Variants in FOXP2 observed in about 807,000 individuals in gnomAD.
The protein encoded by FOXP2 is forkhead box P2.
A neutral mutation model predicts 115.8 loss-of-function variants in FOXP2; 12 were observed. The ratio of observed to expected loss-of-function variants is 0.10; its 90% CI spans 0.07 to 0.17. The LOEUF (loss-of-function observed/expected upper bound fraction) is 0.17, where lower values mean the gene tolerates loss of function less well. Ranked by LOEUF, FOXP2 falls within the 10% of genes least tolerant of loss-of-function variation. FOXP2 has a pLI of 1.00. For synonymous variants in FOXP2, 328 were observed against 297.7 expected (o/e 1.10, Z -1.05); for missense variants, 629 against 843.5 (o/e 0.75, Z 3.15).
chr7:114,510,172 A>C (rs2129260863), intron 2 of FOXP2, among the ~76,000 whole-genome samples: 1 of 152,294 alleles, frequency 6.6e-6, no homozygotes, highest in Non-Finnish European at 1.5e-5. Flanking sequence ...TCACATTTAA[A>C]GTAAGTGTAC....
chr7:114,105,869 C>T (rs561623812), intron 1 of FOXP2, among the ~76,000 whole-genome samples: 3 of 152,024 alleles, frequency 2.0e-5, no homozygotes, highest in Non-Finnish European at 4.4e-5. Flanking sequence ...GTAAGTGAGT[C>T]GTCTGCCTCT....
chr7:114,491,839 C>G (rs1200173037), intron 2 of FOXP2, among the ~76,000 whole-genome samples: 1 of 152,028 alleles, frequency 6.6e-6, no homozygotes, highest in Non-Finnish European at 1.5e-5. Flanking sequence ...ATTTTTGCAT[C>G]GATGTTCATC....
chr7:114,261,588 G>A (rs1795754247), intron 1 of FOXP2, among the ~76,000 whole-genome samples: 1 of 152,100 alleles, frequency 6.6e-6, no homozygotes, highest in Admixed American at 6.6e-5. Context: ...ACAGTGTGAT[G>A]TAAAACAAAT....
chr7:114,500,779 A>AT (rs1157688092), intron 2 of FOXP2, among the ~76,000 whole-genome samples: 2 of 152,114 alleles, frequency 1.3e-5, no homozygotes, highest in African/African-American at 4.8e-5. Flanking sequence ...ACAAACAAGC[A>AT]TTTTTTCACA....
At chr7:114,470,312 CA>C (rs1037950519) in intron 2 of FOXP2, among the ~76,000 whole-genome samples, 19 of 152,190 alleles carry the variant, frequency 1.2e-4, no homozygotes, top group African/African-American at 4.6e-4. Context: ...CAAATGCTCA[CA>C]AACACATACC....
intron 1 of FOXP2, among the ~76,000 whole-genome samples, chr7:114,180,047 GT>G (rs1306713043): frequency 6.6e-6 from 1 of 151,968 alleles, no homozygotes; most frequent in Admixed American, 6.6e-5. Flanking sequence ...GCTAGACCAT[GT>G]AGTACATAAC....
intron 13 of FOXP2, among the ~76,000 whole-genome samples, chr7:114,659,916 C>T (rs1806777991): frequency 6.6e-6 from 1 of 152,180 alleles, no homozygotes; most frequent in Non-Finnish European, 1.5e-5. Flanking sequence ...GGGCCTGACA[C>T]ACTAATTACA....
chr7:114,312,045 G>A (rs764151631), intron 2 of FOXP2, among the ~76,000 whole-genome samples: 8 of 152,086 alleles, frequency 5.3e-5, no homozygotes, highest in Non-Finnish European at 1.0e-4. Flanking sequence ...ACTTGGCCCA[G>A]TCTTTATTAT....
At chr7:114,258,313 G>C (rs981566796) in intron 1 of FOXP2, among the ~76,000 whole-genome samples, 2 of 152,196 alleles carry the variant, frequency 1.3e-5, no homozygotes, top group African/African-American at 4.8e-5. Flanking sequence ...ACATTATACT[G>C]TGTTTGGTGG....
chr7:114,262,541 T>A (rs540409380), intron 1 of FOXP2, among the ~76,000 whole-genome samples: 7 of 152,210 alleles, frequency 4.6e-5, no homozygotes, highest in Admixed American at 1.3e-4. Context: ...AGATTTTTTT[T>A]AAAAAAAGAA....
intron 2 of FOXP2, among the ~76,000 whole-genome samples, chr7:114,374,856 A>G (rs1792103012): frequency 6.6e-6 from 1 of 152,198 alleles, no homozygotes; most frequent in South Asian, 2.1e-4. Context: ...GATCTGCCAA[A>G]TGCATAGAAC....
At chr7:114,402,169 A>T (rs938763835) in intron 2 of FOXP2, among the ~76,000 whole-genome samples, 1 of 152,144 alleles carries the variant, frequency 6.6e-6, no homozygotes, top group South Asian at 2.1e-4. Context: ...AGATAAAATT[A>T]AGAGAGAAAA....
intron 2 of FOXP2, among the ~76,000 whole-genome samples, chr7:114,513,929 C>A (rs1009493091): frequency 5.3e-5 from 8 of 151,944 alleles, no homozygotes; most frequent in Non-Finnish European, 1.5e-5. Flanking sequence ...ACTGCTAAGA[C>A]GTATTTCAAA....
At chr7:114,509,927 A>G (rs1370324057) in intron 2 of FOXP2, among the ~76,000 whole-genome samples, 1 of 151,818 alleles carries the variant, frequency 6.6e-6, no homozygotes, top group Admixed American at 6.6e-5. Flanking sequence ...AAAAGAGAGA[A>G]AAAAAAAGGT....
chr7:114,201,469 A>C (rs1794063237), intron 1 of FOXP2, among the ~76,000 whole-genome samples: 1 of 152,206 alleles, frequency 6.6e-6, no homozygotes, highest in African/African-American at 2.4e-5. Context: ...CTCTAAAAAA[A>C]TGTTAAATTT....
intron 2 of FOXP2, among the ~76,000 whole-genome samples, chr7:114,294,081 G>A (rs1796676641): frequency 2.0e-5 from 3 of 152,180 alleles, no homozygotes; most frequent in Admixed American, 6.5e-5. Flanking sequence ...TAATAGAAGA[G>A]ATAGGTATGT....
intron 2 of FOXP2, among the ~76,000 whole-genome samples, chr7:114,509,047 T>C (rs879059273): frequency 2.6e-5 from 4 of 152,036 alleles, no homozygotes; most frequent in Admixed American, 2.6e-4. Context: ...GGGAACAGTA[T>C]GTGCAATGGT....
intron 2 of FOXP2, among the ~76,000 whole-genome samples, chr7:114,290,267 C>T (rs912993453): frequency 2.6e-5 from 4 of 151,754 alleles, no homozygotes; most frequent in Non-Finnish European, 5.9e-5. Context: ...AATAACCTGC[C>T]CTACATAATA....
rs144282330 is a variant in FOXP2, at chr7:114,654,146, G to A, written c.1266+137G>A. 216 of 1,547,108 alleles carry A rather than the reference G, an allele frequency of 1.4e-4. 1 individual carries two copies. The African/African-American group carries it at 2.0e-3, about 14-fold the overall frequency. ...AATAAAATGAAAGTAAAATGTAATC[G>A]CTTGTCAAATTGTATGTTTCTTTTA... is the stretch of plus-strand genomic sequence containing the variant. On this transcript the variant is annotated intron_variant, in intron 10 of 16. Coordinates refer to ENST00000350908, the MANE Select transcript of FOXP2 (RefSeq NM_014491.4).
Sources: allele counts gnomAD v4.1 joint callset (sites outside exome capture counted in the v4.1 genomes callset), GRCh38; gene constraint gnomAD v4.1.1; transcripts MANE v1.5; gene names NCBI Gene and HGNC (gene_info 2026-07-23, HGNC 2026-07-21).